The following LPAR6 variants were observed in gnomAD, a reference collection of about 807,000 sequenced individuals.
The protein encoded by LPAR6 is lysophosphatidic acid receptor 6.
A neutral mutation model predicts 22.0 loss-of-function variants in LPAR6; 17 were observed. The observed-to-expected ratio is 0.77, with a 90% confidence interval of 0.53 to 1.16. The LOEUF (loss-of-function observed/expected upper bound fraction) is 1.16, where lower values mean the gene tolerates loss of function less well. Ranked by LOEUF, LPAR6 falls within the 50% of genes most tolerant of loss-of-function variation. The pLI is 0.00. For synonymous variants in LPAR6, 136 were observed against 139.8 expected (o/e 0.97, Z 0.19); for missense variants, 384 against 406.9 (o/e 0.94, Z 0.48).
At chr13:48,432,433 T>G (rs1949139856) in intron 1 of LPAR6, among the ~76,000 whole-genome samples, 1 of 152,030 alleles carries the variant, frequency 6.6e-6, no homozygotes, top group Admixed American at 6.6e-5. Context: ...TTTTGTTTTT[T>G]TTTTTGGGCT....
chr13:48,429,018 T>C (rs564865684), upstream of LPAR6, among the ~76,000 whole-genome samples: 2 of 152,348 alleles, frequency 1.3e-5, no homozygotes, highest in East Asian at 1.9e-4. Context: ...TTCTCTGATA[T>C]ACCTGAATTC....
intron 1 of LPAR6, among the ~76,000 whole-genome samples, chr13:48,438,758 A>AT (rs1242833189): frequency 6.6e-6 from 1 of 152,226 alleles, no homozygotes; most frequent in African/African-American, 2.4e-5. Flanking sequence ...AGAATTAAAT[A>AT]ATATAAGTAA....
upstream of LPAR6, among the ~76,000 whole-genome samples, chr13:48,417,997 C>T (rs895178308): frequency 2.0e-5 from 3 of 152,190 alleles, no homozygotes; most frequent in Non-Finnish European, 2.9e-5. Flanking sequence ...CCTAGCACGA[C>T]AGGCCAACAT....
chr13:48,401,879 T>G (rs1948695168), intron 1 of LPAR6, among the ~76,000 whole-genome samples: 1 of 152,206 alleles, frequency 6.6e-6, no homozygotes. Context: ...TTGATTATAT[T>G]CCTTAAGAAT....
chr13:48,416,112 G>A (rs762494016), upstream of LPAR6, among the ~76,000 whole-genome samples: 55 of 152,036 alleles, frequency 3.6e-4, no homozygotes, highest in Non-Finnish European at 2.6e-4. Context: ...TGGGGGGAGC[G>A]AAAATTAAAC....
In LPAR6 at chr13:48,412,498, C is replaced by A; in HGVS notation, c.-75G>T. 1 of 900,320 alleles carries A rather than the reference C, an allele frequency of 1.1e-6. No individual in the cohort carries two copies. Among genetic ancestry groups the A allele is most frequent in the Non-Finnish European group, 1.9e-6 (1 of 530,668 alleles). The allele number at this position is 900,320 out of a possible 1,614,324, so 55.8% of individuals were successfully genotyped here. On this transcript the variant is annotated 5_prime_UTR_variant, in exon 1 of 1. Transcript: ENST00000620633. The stretch of plus-strand genomic sequence containing the variant: ...GTCTCCTTTGGGATTCAGATTATAA[C>A]CTCTATAACCTCCAATTTATTTGCA...
At chr13:48,439,658 T>G (rs1949217230) in intron 1 of LPAR6, 1 of 152,148 alleles carries the variant, frequency 6.6e-6, no homozygotes. Flanking sequence ...ACAAAAGTCT[T>G]CTGTCAGCTA....
At chr13:48,416,407 C>CG (rs1193399962), upstream of LPAR6, 2 of 152,208 alleles carry the variant, frequency 1.3e-5, no homozygotes, top group African/African-American at 4.8e-5. Context: ...GGCCCAGACT[C>CG]TATGCCTTTT....
chr13:48,435,687 TAA>T (rs1949176335), intron 1 of LPAR6, among the ~76,000 whole-genome samples: 1 of 152,198 alleles, frequency 6.6e-6, no homozygotes, highest in Non-Finnish European at 1.5e-5. Flanking sequence ...TTTCACATTT[TAA>T]GTCCATGATC....
chr13:48,412,433 A>AC lies in LPAR6; in HGVS notation c.-11dup, dbSNP rs769956337. The AC allele has an allele frequency of 1.9e-6, 3 of 1,607,678 alleles. No homozygotes were observed. In the Admixed American group the frequency reaches 5.0e-5, roughly 27 times the overall value. ...TGTTAACGCTTACCATCGTAAAGGC[A>AC]CGTCCAATTTTCAGTTTGGAAGCAC... On this transcript the variant is annotated 5_prime_UTR_variant, in exon 1 of 1. Transcript: ENST00000620633.
At chr13:48,435,058 T>C (rs1949169684) in intron 1 of LPAR6, among the ~76,000 whole-genome samples, 1 of 152,192 alleles carries the variant, frequency 6.6e-6, no homozygotes, top group Non-Finnish European at 1.5e-5. Flanking sequence ...GGTTTTCTTT[T>C]CTCTGGGATA....
intron 1 of LPAR6, among the ~76,000 whole-genome samples, chr13:48,440,287 A>AT (rs1056161831): frequency 6.6e-6 from 1 of 152,034 alleles, no homozygotes; most frequent in African/African-American, 2.4e-5. Flanking sequence ...AATATTAACT[A>AT]TTTTTCCTGA....
chr13:48,406,350 C>A (rs1405705824), downstream of LPAR6, among the ~76,000 whole-genome samples: 1 of 152,094 alleles, frequency 6.6e-6, no homozygotes, highest in Non-Finnish European at 1.5e-5. Context: ...TTAAAATATT[C>A]TTCTCATCTA....
chr13:48,392,115 T>C (rs1490313211), intron 1 of LPAR6, among the ~76,000 whole-genome samples: 4 of 152,062 alleles, frequency 2.6e-5, no homozygotes, highest in Non-Finnish European at 4.4e-5. Context: ...CTTGTTTCTT[T>C]TTTTCTTTTT....
chr13:48,434,884 A>G (rs1268570622), intron 1 of LPAR6, among the ~76,000 whole-genome samples: 1 of 152,194 alleles, frequency 6.6e-6, no homozygotes, highest in Non-Finnish European at 1.5e-5. Flanking sequence ...ACGATATTGC[A>G]TGTATCAATA....
chr13:48,442,634 C>G (rs1465980554), intron 1 of LPAR6, among the ~76,000 whole-genome samples: 2 of 152,068 alleles, frequency 1.3e-5, no homozygotes, highest in Non-Finnish European at 2.9e-5. Context: ...TGGGTGAGGA[C>G]TTTGACTTCT....
chr13:48,423,952 A>G (rs754991788), intron 1 of LPAR6: 3 of 152,720 alleles, frequency 2.0e-5, no homozygotes, highest in South Asian at 2.1e-4. Context: ...AGTATGGGAC[A>G]TTGATATTTT....
At chr13:48,394,443 C>G (rs1948632778) in intron 1 of LPAR6, among the ~76,000 whole-genome samples, 1 of 152,194 alleles carries the variant, frequency 6.6e-6, no homozygotes, top group African/African-American at 2.4e-5. Flanking sequence ...GCCAGGGAGC[C>G]AAGTGGTCTA....
At chr13:48,404,536 GT>G (rs1332040276) in intron 1 of LPAR6, among the ~76,000 whole-genome samples, 8 of 149,996 alleles carry the variant, frequency 5.3e-5, no homozygotes, top group Admixed American at 1.3e-4. Flanking sequence ...GATACTTTTT[GT>G]TTTTTTTTAA....
Sources: gnomAD v4.1 joint callset for allele counts (sites outside exome capture counted in the v4.1 genomes callset) on GRCh38, gnomAD v4.1.1 for gene constraint, MANE v1.5 for transcripts, NCBI Gene and HGNC (gene_info 2026-07-23, HGNC 2026-07-21) for gene names.